The following KIAA1217 variants were observed in gnomAD, a reference collection of about 807,000 sequenced individuals.
KIAA1217 encodes the protein KIAA1217.
A neutral mutation model predicts 163.9 loss-of-function variants in KIAA1217; 88 were observed. The observed-to-expected ratio is 0.54, with a 90% confidence interval of 0.45 to 0.64. The LOEUF (loss-of-function observed/expected upper bound fraction) is 0.64, where lower values mean the gene tolerates loss of function less well. Among genes scored for constraint, KIAA1217 ranks in the 30% least tolerant of loss-of-function variants. The pLI is 0.00. For missense variants in KIAA1217, 2,372 were observed against 2,475.0 expected (o/e 0.96, Z 0.88); for synonymous variants, 903 against 923.1 (o/e 0.98, Z 0.39).
At chr10:24,442,895 T>A (rs1013932220) in intron 5 of KIAA1217, among the ~76,000 whole-genome samples, 13 of 150,878 alleles carry the variant, frequency 8.6e-5, no homozygotes, top group Non-Finnish European at 1.3e-4. Flanking sequence ...GAGCATTTAT[T>A]AAGCACTTTT....
In KIAA1217 at chr10:23,790,407, A is replaced by G. The variant is rs562528154; in HGVS notation, c.-321+95173A>G. Among the ~76,000 whole-genome samples, 6 of 105,802 alleles carry G rather than the reference A, an allele frequency of 5.7e-5. 2 individuals are homozygous for G. The highest frequency in any genetic ancestry group is 1.0e-4 in the Admixed American group (1 of 9,886). 69.4% of individuals were successfully genotyped at this position (105,802 alleles called of 152,430 possible). A position where few individuals can be genotyped will look rare whatever the true frequency, so the allele number is the denominator to read the frequency against. ...TATACATATGTATATATACATATAT[A>G]CATATACATATATACATATATACAT... On this transcript the variant is annotated intron_variant, in intron 1 of 18. Coordinates refer to the KIAA1217 transcript ENST00000376462.
rs189652714 is a variant in KIAA1217, at chr10:23,900,812, T to G, written c.-320-106413T>G. On this transcript the variant is annotated intron_variant, in intron 1 of 18. Coordinates refer to the KIAA1217 transcript ENST00000376462. Reference sequence around the variant, plus strand: ...AGAAAGACTTGATTTAAATTCCAACTGTATCATGTCCAGTTGTCATGGACT... The same window carrying G: ...AGAAAGACTTGATTTAAATTCCAACGGTATCATGTCCAGTTGTCATGGACT... Among the ~76,000 whole-genome samples, 696 of 152,226 alleles carry G rather than the reference T, an allele frequency of 4.6e-3. 37 individuals are homozygous for G. Among genetic ancestry groups the G allele is most frequent in the Admixed American group, 0.044 (670 of 15,296 alleles).
upstream of KIAA1217, among the ~76,000 whole-genome samples, chr10:24,207,282 T>TCTCTCTCACACACACACACACACACA (rs529791287): frequency 5.0e-5 from 7 of 140,166 alleles, no homozygotes; most frequent in African/African-American, 2.0e-4. Flanking sequence ...TCTCTCTCTC[T>TCTCTCTCACACACACACACACACACA]CACACACACA....
At chr10:24,158,510 A>G in intron 2 of KIAA1217, 1 of 520,592 alleles carries the variant, frequency 1.9e-6, no homozygotes, top group Non-Finnish European at 3.9e-6. Context: ...TTAACCAAAG[A>G]TGGGAGGATT....
intron 2 of KIAA1217, among the ~76,000 whole-genome samples, chr10:24,191,333 A>C (rs2066709072): frequency 6.6e-6 from 1 of 152,230 alleles, no homozygotes; most frequent in African/African-American, 2.4e-5. Flanking sequence ...ACAATAGGAA[A>C]GTTCTCCATT....
chr10:24,271,786 G>A (rs16924458), intron 2 of KIAA1217, among the ~76,000 whole-genome samples: 3,167 of 151,780 alleles, frequency 0.021, 109 homozygotes, highest in African/African-American at 0.072. Flanking sequence ...ATGAAACTGT[G>A]CACACGCAGG....
At position 24,131,325 on chromosome 10, in the gene KIAA1217, C is replaced by A. The variant is rs140732677; in HGVS notation, c.-170-88301C>A. Among the ~76,000 whole-genome samples the A allele has an allele frequency of 7.9e-5, 12 of 152,308 alleles. No individual in the cohort carries two copies. The East Asian group carries it at 2.1e-3, about 27-fold the overall frequency. On this transcript the variant is annotated intron_variant, in intron 2 of 18. Coordinates refer to the KIAA1217 transcript ENST00000376462. Reference sequence around the variant, plus strand: ...TTCAACCTTGGAGCTTCATCTCTTTCACCAACAACATTTACCCATCCTGTG... The same window carrying A: ...TTCAACCTTGGAGCTTCATCTCTTTAACCAACAACATTTACCCATCCTGTG...
chr10:23,762,738 A>G (rs1834322694), intron 1 of KIAA1217, among the ~76,000 whole-genome samples: 1 of 152,186 alleles, frequency 6.6e-6, no homozygotes, highest in Admixed American at 6.5e-5. Flanking sequence ...CACCACTCCT[A>G]TTCAACATAC....
At chr10:23,999,441 C>T (rs997564768) in intron 1 of KIAA1217, among the ~76,000 whole-genome samples, 10 of 152,152 alleles carry the variant, frequency 6.6e-5, no homozygotes, top group African/African-American at 1.9e-4. Context: ...TGCCACAAGC[C>T]ACTCTCACAC....
chr10:24,523,585 A>G (rs2071631645), intron 12 of KIAA1217, among the ~76,000 whole-genome samples: 1 of 152,218 alleles, frequency 6.6e-6, no homozygotes, highest in Admixed American at 6.5e-5. Context: ...ATAACTTTAC[A>G]ATGTTAATGT....
At chr10:24,189,245 A>G (rs1448241098) in intron 2 of KIAA1217, among the ~76,000 whole-genome samples, 1 of 152,184 alleles carries the variant, frequency 6.6e-6, no homozygotes, top group African/African-American at 2.4e-5. Flanking sequence ...GCAACCTGAC[A>G]TAAAGTGTAC....
chr10:24,453,842 G>A (rs1045606020), intron 5 of KIAA1217, among the ~76,000 whole-genome samples: 8 of 152,148 alleles, frequency 5.3e-5, no homozygotes, highest in Non-Finnish European at 1.0e-4. Context: ...AACTCCTTAA[G>A]TCACAACTAT....
At chr10:23,730,463 T>G (rs1838413890) in intron 1 of KIAA1217, among the ~76,000 whole-genome samples, 1 of 152,214 alleles carries the variant, frequency 6.6e-6, no homozygotes, top group Non-Finnish European at 1.5e-5. Context: ...TCTTCAACGT[T>G]ATTTTCTTTC....
chr10:24,230,562 T>TC (rs2071265030), intron 2 of KIAA1217, among the ~76,000 whole-genome samples: 2 of 131,184 alleles, frequency 1.5e-5, no homozygotes, highest in Non-Finnish European at 3.1e-5. Context: ...CTGGAATGCA[T>TC]CTTGGCAGGT....
chr10:24,116,910 G>A (rs371015561), intron 2 of KIAA1217, among the ~76,000 whole-genome samples: 2 of 152,340 alleles, frequency 1.3e-5, no homozygotes, highest in South Asian at 4.1e-4. Context: ...TAGTTAGGGA[G>A]TTAGAGTGAA....
chr10:24,148,329 T>C (rs1345067282), intron 2 of KIAA1217, among the ~76,000 whole-genome samples: 1 of 152,228 alleles, frequency 6.6e-6, no homozygotes, highest in Non-Finnish European at 1.5e-5. Flanking sequence ...AGATACAGTT[T>C]TGTAAAGCTA....
At chr10:24,533,607 C>T (rs947358452) in intron 16 of KIAA1217, among the ~76,000 whole-genome samples, 2 of 152,328 alleles carry the variant, frequency 1.3e-5, no homozygotes, top group East Asian at 1.9e-4. Flanking sequence ...GGACACGTTA[C>T]GTGGGTTCCC....
intron 1 of KIAA1217, among the ~76,000 whole-genome samples, chr10:23,897,188 C>T (rs1164964944): frequency 6.6e-6 from 1 of 152,026 alleles, no homozygotes; most frequent in African/African-American, 2.4e-5. Flanking sequence ...TTCACAGATT[C>T]CACAGATTGG....
At chr10:24,342,271 G>T (rs1466992216) in intron 2 of KIAA1217, among the ~76,000 whole-genome samples, 2 of 152,174 alleles carry the variant, frequency 1.3e-5, no homozygotes, top group Non-Finnish European at 2.9e-5. Flanking sequence ...TCACATACTT[G>T]TCCAATTTAG....
Sources: allele counts gnomAD v4.1 joint callset (sites outside exome capture counted in the v4.1 genomes callset), GRCh38; gene constraint gnomAD v4.1.1; transcripts MANE v1.5; gene names NCBI Gene and HGNC (gene_info 2026-07-23, HGNC 2026-07-21).